COPS3: variants seen among roughly 807,000 people sequenced by gnomAD.
COPS3 encodes the protein COP9 signalosome complex subunit 3.
In COPS3, 10 loss-of-function variants were observed where a neutral mutation model predicts 58.2. The observed-to-expected ratio is 0.17, with a 90% CI of 0.11 to 0.29. The LOEUF (loss-of-function observed/expected upper bound fraction) is 0.29, where lower values mean the gene tolerates loss of function less well. Among genes scored for constraint, COPS3 ranks in the 10% least tolerant of loss-of-function variants. The pLI, the probability that COPS3 is intolerant of heterozygous loss-of-function variation, is 1.00. For synonymous variants in COPS3, 187 were observed against 181.7 expected (o/e 1.03, Z -0.24); for missense variants, 333 against 510.1 (o/e 0.65, Z 3.34).
At chr17:17,279,427 A>C (rs2048529159) in intron 1 of COPS3, among the ~76,000 whole-genome samples, 1 of 152,232 alleles carries the variant, frequency 6.6e-6, no homozygotes, top group South Asian at 2.1e-4. Context: ...GAGAACACTA[A>C]GTATTTGTCG....
intron 8 of COPS3, among the ~76,000 whole-genome samples, chr17:17,257,365 G>GA (rs376052817): frequency 1.0e-3 from 124 of 121,968 alleles, no homozygotes; most frequent in Admixed American, 1.1e-3. Flanking sequence ...CTCAGTCACA[G>GA]AAAAAAAAAA....
intron 8 of COPS3, 38 bp downstream of exon 8, chr17:17,260,263 G>A (rs1476540386): frequency 1.3e-6 from 2 of 1,598,082 alleles, no homozygotes; most frequent in Non-Finnish European, 1.7e-6. Flanking sequence ...GCCCCCAGGG[G>A]GTCAGGAGCT....
chr17:17,258,512 C>T (rs74339496), intron 8 of COPS3, among the ~76,000 whole-genome samples: 4,274 of 152,282 alleles, frequency 0.028, 203 homozygotes, highest in African/African-American at 0.098. Flanking sequence ...TGCAATTTAA[C>T]ATCTTTTGTA....
chr17:17,280,766 G>A (rs1029829), intron 1 of COPS3: 1 of 1,241,834 alleles, frequency 8.1e-7, no homozygotes, highest in African/African-American at 1.6e-5. Context: ...ACATGGCGGT[G>A]CGCCAATCAC....
chr17:17,254,113 G>A (rs1388751200), intron 9 of COPS3, among the ~76,000 whole-genome samples: 1 of 151,902 alleles, frequency 6.6e-6, no homozygotes, highest in African/African-American at 2.4e-5. Context: ...ATCCAGCCTG[G>A]GCAACATGGA....
chr17:17,270,276 T>C (rs2048316962), intron 4 of COPS3, among the ~76,000 whole-genome samples: 1 of 151,642 alleles, frequency 6.6e-6, no homozygotes, highest in African/African-American at 2.4e-5. Context: ...AGAACAGCAA[T>C]AGCATATGTG....
chr17:17,278,619 T>C (rs146143686), intron 1 of COPS3, among the ~76,000 whole-genome samples: 1 of 152,302 alleles, frequency 6.6e-6, no homozygotes, highest in East Asian at 1.9e-4. Context: ...GTTGAATAAT[T>C]TGCCTTTGTA....
At chr17:17,257,319 G>T (rs969861300) in intron 8 of COPS3, among the ~76,000 whole-genome samples, 17 of 149,970 alleles carry the variant, frequency 1.1e-4, no homozygotes. Flanking sequence ...AGCAAAGATC[G>T]CACCACTGCA....
chr17:17,265,522 C>A (rs1364473590), intron 5 of COPS3, among the ~76,000 whole-genome samples: 3 of 151,934 alleles, frequency 2.0e-5, no homozygotes, highest in Non-Finnish European at 4.4e-5. Context: ...CATTAGCCTC[C>A]CGAGTAGCTG....
intron 2 of COPS3, among the ~76,000 whole-genome samples, chr17:17,274,461 G>A (rs149814980): frequency 3.7e-4 from 53 of 142,072 alleles, no homozygotes; most frequent in Middle Eastern, 3.3e-3. Context: ...CTCACACTCT[G>A]TCACCCAGAC....
At chr17:17,262,215 C>T in intron 6 of COPS3, 109 bp from the exon 7 acceptor site, 3 of 1,032,806 alleles carry the variant, frequency 2.9e-6, no homozygotes, top group African/African-American at 1.7e-5. Context: ...TTTAAATGTC[C>T]CATTATTTTT....
At chr17:17,251,398 G>A (rs1440084016) in intron 9 of COPS3, among the ~76,000 whole-genome samples, 1 of 151,352 alleles carries the variant, frequency 6.6e-6, no homozygotes, top group East Asian at 1.9e-4. Flanking sequence ...GGGTTTGAGC[G>A]ATTCTCCAGC....
rs745396331 is a variant in COPS3 at position 17,260,173 on chromosome 17, C to T, written c.936+128G>A. ...AAGAAGCCAATCACAAGAGAGTTCT[C>T]TCTCAGCACAGAAATCCTGCCATGC... On this transcript the variant is annotated intron_variant, in intron 8 of 11. Coordinates refer to ENST00000268717, the MANE Select transcript of COPS3 (RefSeq NM_003653.4). 4.6e-5 allele frequency: 43 copies of T among 925,290 alleles called. No homozygotes were observed. In the Admixed American group the frequency reaches 7.3e-4, roughly 16 times the overall value. The allele number at this position is 925,290 out of a possible 1,614,324, so 57.3% of individuals were successfully genotyped here. A position where few individuals can be genotyped will look rare whatever the true frequency, so the allele number is the denominator to read the frequency against.
chr17:17,247,259 T>C (rs1167474116), intron 11 of COPS3, 108 bp from the exon 12 acceptor site: 11 of 1,137,852 alleles, frequency 9.7e-6, no homozygotes, highest in Middle Eastern at 1.9e-4. Context: ...CAAAGCCCCC[T>C]GTGAACAAGG....
chr17:17,277,891 T>C (rs1006656713), intron 1 of COPS3, among the ~76,000 whole-genome samples: 5 of 151,852 alleles, frequency 3.3e-5, no homozygotes, highest in Non-Finnish European at 7.4e-5. Context: ...CCCAGCACTT[T>C]GGGAGGATAA....
intron 1 of COPS3, chr17:17,280,719 G>C (rs3853545): frequency 8.0e-7 from 1 of 1,256,722 alleles, no homozygotes; most frequent in South Asian, 1.3e-5. Context: ...CGCTCCCGGC[G>C]GCCTAGTCAG....
At chr17:17,275,250 C>T (rs118043835) in intron 2 of COPS3, among the ~76,000 whole-genome samples, 17,022 of 151,790 alleles carry the variant, frequency 0.11, 1,199 homozygotes, top group South Asian at 0.22. Context: ...GCCAACACAC[C>T]CGGCTAGTTT....
intron 8 of COPS3, among the ~76,000 whole-genome samples, chr17:17,258,913 C>G (rs2048034929): frequency 6.6e-6 from 1 of 152,182 alleles, no homozygotes; most frequent in Non-Finnish European, 1.5e-5. Context: ...TATGGCTAGT[C>G]TTTCTAGAGT....
chr17:17,266,977 G>T (rs1275291112), intron 5 of COPS3, among the ~76,000 whole-genome samples: 1 of 150,904 alleles, frequency 6.6e-6, no homozygotes, highest in African/African-American at 2.4e-5. Flanking sequence ...CAAAGTGTTG[G>T]GATTACAGGC....
Sources: allele counts gnomAD v4.1 joint callset (sites outside exome capture counted in the v4.1 genomes callset), GRCh38; gene constraint gnomAD v4.1.1; transcripts MANE v1.5; gene names NCBI Gene and HGNC (gene_info 2026-07-23, HGNC 2026-07-21).